NTM: variants seen among roughly 807,000 people sequenced by gnomAD.
NTM encodes the protein IgLON family member 2.
Under a neutral mutation model 42.1 loss-of-function variants are expected in NTM, and 13 were observed. The observed-to-expected ratio is 0.31, with a 90% CI of 0.20 to 0.49. NTM has a LOEUF of 0.49. NTM is among the 20% of genes least tolerant of loss of function. The probability of loss-of-function intolerance (pLI) is 0.99; values close to 1 mark genes in which losing one functional copy is unlikely to be tolerated. For synonymous variants in NTM, 187 were observed against 179.2 expected, an observed-to-expected ratio of 1.04 and a Z score of -0.35; for missense variants, 373 against 452.8, an observed-to-expected ratio of 0.82 and a Z score of 1.60.
At chr11:131,376,100 AG>A (rs1941936050) in intron 1 of NTM, among the ~76,000 whole-genome samples, 1 of 152,154 alleles carries the variant, frequency 6.6e-6, no homozygotes, top group Non-Finnish European at 1.5e-5. Context: ...AGGCTTGCCT[AG>A]GAGAAGGAGG....
intron 1 of NTM, chr11:131,660,894 T>G (rs563143182): frequency 7.8e-7 from 1 of 1,282,320 alleles, no homozygotes; most frequent in East Asian, 5.6e-5. Flanking sequence ...GTGTGTAATG[T>G]GATGCATGGC....
chr11:131,524,593 A>G (rs2050203037), intron 1 of NTM, among the ~76,000 whole-genome samples: 1 of 152,246 alleles, frequency 6.6e-6, no homozygotes, highest in South Asian at 2.1e-4. Flanking sequence ...TGATTAACCA[A>G]TTAATCTTGA....
At chr11:131,401,844 A>ATATATATG (rs1565465660) in intron 1 of NTM, among the ~76,000 whole-genome samples, 11 of 101,084 alleles carry the variant, frequency 1.1e-4, no homozygotes, top group African/African-American at 4.3e-4. Flanking sequence ...ATATATATAT[A>ATATATATG]TATATATATA....
intron 1 of NTM, among the ~76,000 whole-genome samples, chr11:131,743,130 C>T (rs1271881531): frequency 6.6e-6 from 1 of 152,054 alleles, no homozygotes; most frequent in East Asian, 1.9e-4. Context: ...AAAGTTGGGA[C>T]TTTAGACATA....
rs916901784 is a variant in NTM, at chr11:132,188,749, G to T, written c.401-23273G>T. On this transcript the variant is annotated intron_variant, in intron 3 of 8. Coordinates refer to ENST00000683400, the MANE Select transcript of NTM (RefSeq NM_001352005.2). The stretch of plus-strand genomic sequence containing the variant: ...CTGTATCTCACAATTATTAAATATT[G>T]ATTCATCTCAGCAGGGGCCTGTGTC... Among the ~76,000 whole-genome samples, 19 of 152,220 alleles carry T rather than the reference G, an allele frequency of 1.2e-4. No individual in the cohort carries two copies. The East Asian group carries it at 3.3e-3, about 26-fold the overall frequency.
In NTM at chr11:132,161,766, A is replaced by G. The variant is rs76513018; in HGVS notation, c.400+15252A>G. Among the ~76,000 whole-genome samples, 890 of 152,152 alleles carry G rather than the reference A, an allele frequency of 5.8e-3. 6 individuals carry two copies. The highest frequency in any genetic ancestry group is 0.02 in the African/African-American group (842 of 41,496). On this transcript the variant is annotated intron_variant, in intron 3 of 8. Transcript: ENST00000683400. Reference sequence around the variant, plus strand: ...GATTCCCTCCTCCCGCAGCTGCGCCATCCCCGGACCCTTCCTGCTGGGCTG... The same window carrying G: ...GATTCCCTCCTCCCGCAGCTGCGCCGTCCCCGGACCCTTCCTGCTGGGCTG...
At chr11:131,532,016 T>C (rs1320998974) in intron 1 of NTM, among the ~76,000 whole-genome samples, 1 of 152,214 alleles carries the variant, frequency 6.6e-6, no homozygotes. Context: ...CATGTATGTG[T>C]GTTGCTTGGT....
rs1220173727 is a variant in NTM, at chr11:131,907,038, A to G, written c.83-4526A>G. On this transcript the variant is annotated intron_variant, in intron 1 of 8. Transcript: ENST00000683400. ...ACATCCTTTTCTGATTAAATCTTCC[A>G]ATATCTATTTGATGTCACACCACTC... is the stretch of plus-strand genomic sequence containing the variant. Among the ~76,000 whole-genome samples the G allele has an allele frequency of 4.6e-5, 7 of 152,152 alleles. 1 individual carries two copies. Among genetic ancestry groups the G allele is most frequent in the Admixed American group, 4.6e-4 (7 of 15,274 alleles).
At chr11:131,370,915 C>T (rs1819526526) in intron 1 of NTM, 27 bp downstream of exon 1, 3 of 1,612,514 alleles carry the variant, frequency 1.9e-6, no homozygotes, top group South Asian at 2.2e-5. Context: ...GATTTGCCTT[C>T]GGTAGACCCA....
chr11:131,818,774 G>A (rs1489508849), intron 1 of NTM, among the ~76,000 whole-genome samples: 1 of 152,138 alleles, frequency 6.6e-6, no homozygotes, highest in Non-Finnish European at 1.5e-5. Context: ...CTGAGTGTCT[G>A]TCCTTCTATC....
At chr11:131,676,258 T>C (rs114534956) in intron 1 of NTM, among the ~76,000 whole-genome samples, 4,870 of 152,352 alleles carry the variant, frequency 0.032, 261 homozygotes, top group African/African-American at 0.11. Context: ...ATTTAAGTGC[T>C]GTTTGGTAGA....
At chr11:131,501,156 C>T (rs952487198) in intron 1 of NTM, among the ~76,000 whole-genome samples, 2 of 152,094 alleles carry the variant, frequency 1.3e-5, no homozygotes, top group Admixed American at 1.3e-4. Context: ...AAAATCTCTG[C>T]CTTCAAGGGG....
intron 3 of NTM, among the ~76,000 whole-genome samples, chr11:132,210,905 T>C (rs1452500357): frequency 2.0e-5 from 3 of 152,134 alleles, no homozygotes; most frequent in African/African-American, 7.2e-5. Context: ...CCTATTAGAA[T>C]GAACCCCTTC....
chr11:131,910,660 G>A (rs969350992), intron 1 of NTM, among the ~76,000 whole-genome samples: 3 of 150,172 alleles, frequency 2.0e-5, no homozygotes, highest in Admixed American at 6.6e-5. Flanking sequence ...GGGGGCGGCC[G>A]CTGAGCTTGG....
chr11:131,639,621 C>T (rs2324523), intron 1 of NTM, among the ~76,000 whole-genome samples: 86,988 of 151,892 alleles, frequency 0.57, 25,424 homozygotes, highest in East Asian at 0.78. Context: ...ATGCAAAGAC[C>T]TCTCGGGCCC....
At chr11:131,452,371 G>C (rs192400053) in intron 1 of NTM, among the ~76,000 whole-genome samples, 29 of 152,294 alleles carry the variant, frequency 1.9e-4, no homozygotes, top group Admixed American at 1.8e-3. Context: ...ACCTTTGAAG[G>C]CATCCTCTTT....
Position 132,317,796 on chromosome 11 carries a change from G to C in NTM, c.934+3093G>C, listed in dbSNP as rs930396997. ...AAGCACTTGTCTGTAAAGTGTCTTA[G>C]AGGATGTGGAAGGCTATTGAAGGAG... On this transcript the variant is annotated intron_variant, in intron 7 of 8. Coordinates refer to ENST00000683400, the MANE Select transcript of NTM (RefSeq NM_001352005.2). 8.4e-6 allele frequency: 5 copies of C among 594,492 alleles called. No homozygotes were observed. In the African/African-American group the frequency reaches 9.7e-5, roughly 12 times the overall value. The allele number at this position is 594,492 out of a possible 1,614,324, so 36.8% of individuals were successfully genotyped here. A position where few individuals can be genotyped will look rare whatever the true frequency, so the allele number is the denominator to read the frequency against.
At chr11:131,712,504 A>G (rs1435206779) in intron 1 of NTM, among the ~76,000 whole-genome samples, 1 of 152,204 alleles carries the variant, frequency 6.6e-6, no homozygotes, top group East Asian at 1.9e-4. Flanking sequence ...GCAGTTACCC[A>G]TAACTAGTGG....
At chr11:131,458,039 C>T (rs956980734) in intron 1 of NTM, among the ~76,000 whole-genome samples, 1 of 152,158 alleles carries the variant, frequency 6.6e-6, no homozygotes, top group African/African-American at 2.4e-5. Flanking sequence ...CCCAAATGGA[C>T]TGAGGGTATG....
Sources: allele counts gnomAD v4.1 joint callset (sites outside exome capture counted in the v4.1 genomes callset), GRCh38; gene constraint gnomAD v4.1.1; transcripts MANE v1.5; gene names NCBI Gene and HGNC (gene_info 2026-07-23, HGNC 2026-07-21).